The following NKD1 variants were observed in gnomAD, a reference collection of about 807,000 sequenced individuals.
NKD1 encodes the protein protein naked cuticle homolog 1.
NKD1 carries 21 observed loss-of-function variants against 56.0 expected under a neutral mutation model. The observed-to-expected ratio is 0.38, with a 90% CI of 0.27 to 0.54. The LOEUF (loss-of-function observed/expected upper bound fraction) is 0.54. Among genes scored for constraint, NKD1 ranks in the 20% least tolerant of loss-of-function variants. NKD1 has a pLI of 0.82. For missense variants in NKD1, 578 were observed against 642.7 expected (o/e 0.90, Z 1.09); for synonymous variants, 263 against 265.7 (o/e 0.99, Z 0.10).
At chr16:50,600,428 A>T (rs1396584500) in intron 3 of NKD1, among the ~76,000 whole-genome samples, 1 of 151,990 alleles carries the variant, frequency 6.6e-6, no homozygotes, top group Admixed American at 6.6e-5. Flanking sequence ...ATGCGACTGC[A>T]CTCCATCCTG....
chr16:50,626,873 A>G (rs1398795771), intron 6 of NKD1, among the ~76,000 whole-genome samples: 1 of 152,184 alleles, frequency 6.6e-6, no homozygotes, highest in Non-Finnish European at 1.5e-5. Context: ...CTTCTTGTCC[A>G]GCATGTGGGG....
chr16:50,610,786 C>T (rs568069480), intron 4 of NKD1, among the ~76,000 whole-genome samples: 14 of 152,226 alleles, frequency 9.2e-5, no homozygotes, highest in Non-Finnish European at 1.8e-4. Flanking sequence ...CTTAACTGGC[C>T]AGCTGGGAGC....
chr16:50,615,273 C>G (rs1961935004), intron 4 of NKD1, among the ~76,000 whole-genome samples: 1 of 152,204 alleles, frequency 6.6e-6, no homozygotes, highest in Non-Finnish European at 1.5e-5. Context: ...CTGCTACTTA[C>G]CGTTGTTTCA....
intron 3 of NKD1, among the ~76,000 whole-genome samples, chr16:50,596,100 G>A (rs1268384301): frequency 6.6e-6 from 1 of 152,220 alleles, no homozygotes; most frequent in Non-Finnish European, 1.5e-5. Flanking sequence ...GGCTTCCTAT[G>A]CATGTACAGT....
intron 3 of NKD1, 66 bp downstream of exon 3, chr16:50,549,621 C>A: frequency 2.1e-6 from 3 of 1,422,362 alleles, no homozygotes; most frequent in Non-Finnish European, 2.8e-6. Flanking sequence ...GTCCCCAAAC[C>A]CATGCACCCC....
intron 6 of NKD1, among the ~76,000 whole-genome samples, chr16:50,627,194 G>A (rs752823137): frequency 3.9e-4 from 60 of 152,104 alleles, no homozygotes; most frequent in Non-Finnish European, 8.2e-4. Context: ...AATTTGGTCC[G>A]GGGTCTGACT....
chr16:50,615,912 G>A (rs1343723894), intron 4 of NKD1: 11 of 389,684 alleles, frequency 2.8e-5, no homozygotes, highest in Non-Finnish European at 5.8e-5. Context: ...AGGAGAGCCT[G>A]ATACAGATAC....
chr16:50,633,330 T>G lies in NKD1; in HGVS notation c.962T>G (p.Leu321Arg). The G allele has an allele frequency of 6.2e-7, 1 of 1,614,108 alleles. No individual in the cohort carries two copies. The highest frequency in any genetic ancestry group is 8.5e-7 in the Non-Finnish European group (1 of 1,179,992). The change falls in exon 10 of 10, where the codon CTT becomes CGT. Residue 321 changes from leucine (L) to arginine (R), a missense_variant. Transcript: ENST00000268459. The surrounding 1 kb of genome is among the most constrained non-coding windows in gnomAD (Gnocchi z 4.9). ...QGVDPASFHF[L>R]DTPIAKVSEL... Reference sequence around the variant, plus strand: ...GTGGACCCGGCCTCCTTCCACTTCCTTGACACCCCAATCGCCAAGGTCTCA... The same window carrying G: ...GTGGACCCGGCCTCCTTCCACTTCCGTGACACCCCAATCGCCAAGGTCTCA...
chr16:50,625,493 G>A lies in NKD1; in HGVS notation c.375G>A (p.Gln125=). The change falls in exon 6 of 10, where the codon CAG becomes CAA. Residue 125 remains glutamine, a synonymous_variant. Transcript: ENST00000268459. ...CATCTCTCTGCATCCAGGAGCTCCA[G>A]TGCGACGTGTCCATGGAGGAGGACA... ...SKKQLKFEEL[Q]CDVSMEEDSR... is the part of the protein sequence containing the mutation. 1 of 1,611,428 alleles carries A rather than the reference G, an allele frequency of 6.2e-7. No individual in the cohort carries two copies. The highest frequency in any genetic ancestry group is 8.5e-7 in the Non-Finnish European group (1 of 1,177,780).
At chr16:50,605,518 A>G (rs1357771008) in intron 3 of NKD1, among the ~76,000 whole-genome samples, 1 of 152,190 alleles carries the variant, frequency 6.6e-6, no homozygotes, top group African/African-American at 2.4e-5. Context: ...CCAACCATAG[A>G]TAGAAAATAT....
intron 2 of NKD1, chr16:50,549,026 CCAAGCGCCTCCCCG>C (rs1960309356): frequency 3.4e-6 from 2 of 586,514 alleles, no homozygotes; most frequent in Non-Finnish European, 4.3e-6. Flanking sequence ...CTTCAGACCC[CCAAGCGCCTCCCCG>C]CAAGACCCTG....
chr16:50,633,836 CA>C lies in NKD1; in HGVS notation c.*57del. ...ATGAAGGACCCCACCCCCGACACCA[CA>C]AGGCATTATTATTCTATTAATTATT... is the stretch of plus-strand genomic sequence containing the variant. On this transcript the variant is annotated 3_prime_UTR_variant, in exon 10 of 10. Transcript: ENST00000268459. This position sits in a 1 kb window ranked among gnomAD's most constrained non-coding sequence, Gnocchi z 4.9. 3 of 788,164 alleles carry C rather than the reference CA, an allele frequency of 3.8e-6. No homozygotes were observed. Among genetic ancestry groups the C allele is most frequent in the Middle Eastern group, 4.7e-4 (2 of 4,252 alleles). The allele number at this position is 788,164 out of a possible 1,614,324, so 48.8% of individuals were successfully genotyped here. A position where few individuals can be genotyped will look rare whatever the true frequency, so the allele number is the denominator to read the frequency against.
At chr16:50,625,823 C>G (rs973751730) in intron 6 of NKD1, among the ~76,000 whole-genome samples, 1 of 124,910 alleles carries the variant, frequency 8.0e-6, no homozygotes, top group African/African-American at 2.8e-5. Context: ...CAGGCACTGT[C>G]CCTCCCGGGA....
At chr16:50,579,081 G>A (rs1484813101) in intron 3 of NKD1, among the ~76,000 whole-genome samples, 1 of 151,916 alleles carries the variant, frequency 6.6e-6, no homozygotes, top group African/African-American at 2.4e-5. Context: ...TCAGTCCCAC[G>A]GGCTACCCGC....
At chr16:50,585,792 C>A (rs1001899376) in intron 3 of NKD1, among the ~76,000 whole-genome samples, 2 of 152,136 alleles carry the variant, frequency 1.3e-5, no homozygotes, top group Non-Finnish European at 2.9e-5. Context: ...TGGGAAGGAC[C>A]GTGATAACAG....
In NKD1 at chr16:50,633,653, C is replaced by T. The variant is rs933448498; in HGVS notation, c.1285C>T (p.Arg429Trp). 1.2e-5 allele frequency: 19 copies of T among 1,605,684 alleles called. No homozygotes were observed. Among genetic ancestry groups the T allele is most frequent in the Middle Eastern group, 1.7e-4 (1 of 6,048 alleles). ...GGCCTCAGGTGGCCCTGTCCTGGGG[C>T]GGGAGCACCTGCGGGAGCTGCCCGC... ...PLASGGPVLG[R>W]EHLRELPALV... The change falls in exon 10 of 10, where the codon CGG becomes TGG. Residue 429 changes from arginine to tryptophan, a missense_variant. Transcript: ENST00000268459. The surrounding 1 kb of genome is among the most constrained non-coding windows in gnomAD (Gnocchi z 4.9).
intron 3 of NKD1, among the ~76,000 whole-genome samples, chr16:50,597,807 C>T (rs962591554): frequency 6.6e-6 from 1 of 152,156 alleles, no homozygotes; most frequent in African/African-American, 2.4e-5. Flanking sequence ...TAGATGTGGC[C>T]ACTGAGGCTT....
In NKD1 at chr16:50,598,262, T is replaced by TGTGTGTGTGTGTGTGTGTGTGTGTGC. The variant is rs138964473; in HGVS notation, c.193-10031_193-10030insTGTGTGTGTGTGTGTGTGTGTGTGCG. Among the ~76,000 whole-genome samples the TGTGTGTGTGTGTGTGTGTGTGTGTGC allele has an allele frequency of 2.0e-5, 3 of 148,572 alleles. No individual in the cohort carries two copies. Among genetic ancestry groups the TGTGTGTGTGTGTGTGTGTGTGTGTGC allele is most frequent in the African/African-American group, 7.7e-5 (3 of 39,058 alleles). On this transcript the variant is annotated intron_variant, in intron 3 of 9. Transcript: ENST00000268459. The surrounding 1 kb of genome is among the most constrained non-coding windows in gnomAD (Gnocchi z 4.2). ...GTGTGTGTGTGTGTGTGTGTGTGTG[T>TGTGTGTGTGTGTGTGTGTGTGTGTGC]GCGCGCACACCTGTGCTCATGGACA...
At chr16:50,601,377 G>C (rs778123951) in intron 3 of NKD1, among the ~76,000 whole-genome samples, 1 of 152,214 alleles carries the variant, frequency 6.6e-6, no homozygotes, top group African/African-American at 2.4e-5. Context: ...CCGTCCCATC[G>C]GTAGGAAGGG....
Sources: allele counts gnomAD v4.1 joint callset (sites outside exome capture counted in the v4.1 genomes callset), GRCh38; gene constraint gnomAD v4.1.1; non-coding constraint Gnocchi (gnomAD v3.1); transcripts MANE v1.5; gene names NCBI Gene and HGNC (gene_info 2026-07-23, HGNC 2026-07-21).